The following MEP1B variants were observed in gnomAD, a reference collection of about 807,000 sequenced individuals.
MEP1B encodes meprin A subunit beta.
A neutral mutation model predicts 84.6 loss-of-function variants in MEP1B; 80 were observed. The ratio of observed to expected loss-of-function variants is 0.95; its 90% CI spans 0.79 to 1.14. MEP1B has a LOEUF of 1.14. Ranked by LOEUF, MEP1B falls within the 50% of genes most tolerant of loss-of-function variation. MEP1B has a pLI of 0.00. For missense variants in MEP1B, 766 were observed against 855.1 expected (o/e 0.90, Z 1.30); for synonymous variants, 273 against 288.1 (o/e 0.95, Z 0.53).
intron 10 of MEP1B, 101 bp downstream of exon 10, chr18:32,210,817 G>A: frequency 1.1e-6 from 1 of 888,286 alleles, no homozygotes; most frequent in East Asian, 2.5e-5. Context: ...GGGCTACTGA[G>A]TCACTATACT....
intron 14 of MEP1B, among the ~76,000 whole-genome samples, chr18:32,218,890 G>A (rs2144441480): frequency 6.6e-6 from 1 of 152,370 alleles, no homozygotes; most frequent in East Asian, 1.9e-4. Flanking sequence ...CAAAGCAGCA[G>A]TTCCCTAGCA....
Position 32,196,499 on chromosome 18 carries a change from G to C in MEP1B, c.250+1014G>C, listed in dbSNP as rs565518274. On this transcript the variant is annotated intron_variant, in intron 5 of 14. Coordinates refer to ENST00000269202, the MANE Select transcript of MEP1B (RefSeq NM_005925.3). This position sits in a 1 kb window ranked among gnomAD's most constrained non-coding sequence, Gnocchi z 4.4. ...CCGGAAACTCAGCTTTGCTCTCATA[G>C]ACCGAGGTGATGAGGTGGTGGCCAA... 12 of 695,864 alleles carry C rather than the reference G, an allele frequency of 1.7e-5. No individual in the cohort carries two copies. Among genetic ancestry groups the C allele is most frequent in the South Asian group, 1.6e-4 (11 of 67,442 alleles). The allele number at this position is 695,864 out of a possible 1,614,324, so 43.1% of individuals were successfully genotyped here. A position where few individuals can be genotyped will look rare whatever the true frequency, so the allele number is the denominator to read the frequency against.
chr18:32,213,123 C>A lies in MEP1B; in HGVS notation c.1143C>A (p.Pro381=). The part of the protein sequence containing the change: ...LTLVEEIKEI[P]TGSWQLYHVT... ...ATAATGACTCTTTTGCAGAAATACC[C>A]ACTGGGAGCTGGCAACTTTATCATG... The change falls in exon 11 of 15, where the codon CCC becomes CCA. Residue 381 remains proline (P), a synonymous_variant. Transcript: ENST00000269202. 1 of 1,612,700 alleles carries A rather than the reference C, an allele frequency of 6.2e-7. No homozygotes were observed. Among genetic ancestry groups the A allele is most frequent in the Non-Finnish European group, 8.5e-7 (1 of 1,178,832 alleles).
intron 5 of MEP1B, among the ~76,000 whole-genome samples, chr18:32,198,474 A>T (rs946239329): frequency 7.2e-5 from 11 of 152,362 alleles, no homozygotes; most frequent in African/African-American, 2.6e-4. Flanking sequence ...CAGCAACTGC[A>T]GCACCTGCTC....
chr18:32,206,143 G>A (rs1246963607), intron 7 of MEP1B, among the ~76,000 whole-genome samples: 1 of 152,012 alleles, frequency 6.6e-6, no homozygotes, highest in Non-Finnish European at 1.5e-5. Flanking sequence ...CACCACACCC[G>A]GCTAATTTTT....
chr18:32,220,088 A>G (rs2041134796), intron 14 of MEP1B, 143 bp from the exon 15 acceptor site: 7 of 687,396 alleles, frequency 1.0e-5, no homozygotes, highest in Non-Finnish European at 1.7e-5. Context: ...GACCAGGAGC[A>G]GGAGCCATTG....
chr18:32,195,074 C>G (rs770511737), intron 4 of MEP1B, among the ~76,000 whole-genome samples: 2 of 152,140 alleles, frequency 1.3e-5, no homozygotes, highest in Non-Finnish European at 1.5e-5. Context: ...CAAGGTCTTG[C>G]TATCACTGTT....
intron 4 of MEP1B, 132 bp downstream of exon 4, chr18:32,192,949 A>G (rs557933742): frequency 3.1e-6 from 2 of 655,520 alleles, no homozygotes; most frequent in African/African-American, 3.6e-5. Flanking sequence ...TCATGGTGAC[A>G]CATTTATTCA....
At chr18:32,199,325 A>C (rs1210748676) in intron 5 of MEP1B, among the ~76,000 whole-genome samples, 3 of 152,190 alleles carry the variant, frequency 2.0e-5, no homozygotes, top group African/African-American at 7.2e-5. Context: ...TTTATCCTGG[A>C]AGGTTGTGTT....
intron 11 of MEP1B, among the ~76,000 whole-genome samples, chr18:32,214,505 CCTAAAGTGTTTCTTA>C (rs1180986458): frequency 4.6e-5 from 7 of 152,082 alleles, no homozygotes; most frequent in African/African-American, 7.2e-5. Context: ...TTCACTTTTT[CCTAAAGTGTTTCTTA>C]CTAAATGACA....
intron 4 of MEP1B, 134 bp from the exon 5 acceptor site, chr18:32,195,263 TACACACACAC>T: frequency 2.0e-6 from 1 of 496,228 alleles, no homozygotes. Context: ...AAAGTAGGGC[TACACACACAC>T]ACACACACAC....
At chr18:32,208,349 T>C in intron 9 of MEP1B, 78 bp downstream of exon 9, 1 of 1,335,276 alleles carries the variant, frequency 7.5e-7, no homozygotes, top group Non-Finnish European at 1.0e-6. Context: ...AATGGGATTT[T>C]ATCTCTAATT....
At chr18:32,209,831 G>C (rs1374635163) in intron 9 of MEP1B, among the ~76,000 whole-genome samples, 2 of 151,054 alleles carry the variant, frequency 1.3e-5, no homozygotes, top group East Asian at 1.9e-4. Context: ...GGGGCGGGCA[G>C]GTCAGCCAAG....
Position 32,191,180 on chromosome 18 carries a change from T to G in MEP1B, c.64-642T>G, listed in dbSNP as rs573800306. The stretch of plus-strand genomic sequence containing the variant: ...TATGAGCTTTTTAATTCAATCACAC[T>G]AAGACATTTCTCAGGTTTACTTAGT... On this transcript the variant is annotated intron_variant, in intron 1 of 14. Transcript: ENST00000269202. Among the ~76,000 whole-genome samples the G allele has an allele frequency of 5.3e-5, 8 of 151,494 alleles. No individual in the cohort carries two copies. In the East Asian group the frequency reaches 1.5e-3, roughly 29 times the overall value.
At chr18:32,214,974 A>C (rs984386178) in intron 11 of MEP1B, 108 bp from the exon 12 acceptor site, 2 of 780,550 alleles carry the variant, frequency 2.6e-6, no homozygotes, top group Admixed American at 4.9e-5. Context: ...GCATCATTTA[A>C]TTATTTTGAG....
chr18:32,194,108 C>T (rs2040828998), intron 4 of MEP1B, among the ~76,000 whole-genome samples: 1 of 152,102 alleles, frequency 6.6e-6, no homozygotes, highest in African/African-American at 2.4e-5. Context: ...ACATAAAAAC[C>T]TTGAGCGCCA....
At position 32,207,440 on chromosome 18, in the gene MEP1B, C is replaced by G. The variant is rs758933513; in HGVS notation, c.736C>G (p.Leu246Val). 6.2e-7 allele frequency: 1 copy of G among 1,611,880 alleles called. No individual in the cohort carries two copies. Among genetic ancestry groups the G allele is most frequent in the South Asian group, 1.1e-5 (1 of 90,660 alleles). ...ACGAATGGATTTCAGTGACTCTGAT[C>G]TCCTAAAGTTGAATCAACTGTATAA... The part of the protein sequence containing the change: ...GQRMDFSDSD[L>V]LKLNQLYNCS... The change falls in exon 8 of 15, where the codon CTC becomes GTC. Residue 246 changes from leucine (L) to valine (V), a missense_variant. By Grantham distance (32) the Leu-to-Val change is conservative. Coordinates refer to ENST00000269202, the MANE Select transcript of MEP1B (RefSeq NM_005925.3).
At chr18:32,216,890 A>G (rs1168666915) in intron 12 of MEP1B, 101 bp from the exon 13 acceptor site, 1 of 1,372,014 alleles carries the variant, frequency 7.3e-7, no homozygotes, top group African/African-American at 1.5e-5. Context: ...AGAAAGAAAG[A>G]AAAAAGGAAA....
intron 7 of MEP1B, among the ~76,000 whole-genome samples, chr18:32,206,338 C>A (rs1221101161): frequency 6.6e-6 from 1 of 152,112 alleles, no homozygotes; most frequent in Non-Finnish European, 1.5e-5. Flanking sequence ...TCTCACCATC[C>A]CTTCAAAGCC....
Sources: allele counts gnomAD v4.1 joint callset (sites outside exome capture counted in the v4.1 genomes callset), GRCh38; gene constraint gnomAD v4.1.1; non-coding constraint Gnocchi (gnomAD v3.1); transcripts MANE v1.5; gene names NCBI Gene and HGNC (gene_info 2026-07-23, HGNC 2026-07-21).